The following TDG variants were observed in gnomAD, a reference collection of about 807,000 sequenced individuals.
TDG encodes the protein thymine DNA glycosylase.
TDG carries 23 observed loss-of-function variants against 46.1 expected under a neutral mutation model. The ratio of observed to expected loss-of-function variants is 0.50; its 90% CI spans 0.36 to 0.71. The LOEUF is 0.71. Among genes scored for constraint, TDG ranks in the 30% least tolerant of loss-of-function variants. The pLI is 0.00. For synonymous variants in TDG, 115 were observed against 161.3 expected, an observed-to-expected ratio of 0.71 and a Z score of 2.18; for missense variants, 304 against 486.7, an observed-to-expected ratio of 0.62 and a Z score of 3.53.
chr12:103,974,271 T>TTTGTTGTTG (rs56774626), intron 1 of TDG, among the ~76,000 whole-genome samples: 8 of 150,336 alleles, frequency 5.3e-5, no homozygotes, highest in East Asian at 1.9e-4. Context: ...TTTGCCCTCT[T>TTTGTTGTTG]TTGTTGTTGT....
chr12:103,985,821 A>G, intron 9 of TDG, 93 bp downstream of exon 9: 1 of 1,290,126 alleles, frequency 7.8e-7, no homozygotes, highest in African/African-American at 1.5e-5. Context: ...ATTATTGAAG[A>G]ATGGGAATGA....
chr12:103,981,908 G>A (rs773945066), intron 4 of TDG, among the ~76,000 whole-genome samples: 1 of 152,142 alleles, frequency 6.6e-6, no homozygotes, highest in Non-Finnish European at 1.5e-5. Context: ...CAGCTACTAC[G>A]GAGGCTGGGT....
intron 4 of TDG, among the ~76,000 whole-genome samples, 174 bp from the exon 5 acceptor site, chr12:103,982,625 C>T (rs1038619038): frequency 2.0e-5 from 3 of 151,796 alleles, no homozygotes; most frequent in Non-Finnish European, 2.9e-5. Context: ...ATTAGCTGGG[C>T]GTGGTGGTGT....
intron 2 of TDG, among the ~76,000 whole-genome samples, chr12:103,978,710 G>A (rs1427303251): frequency 2.0e-5 from 3 of 152,184 alleles, no homozygotes; most frequent in Non-Finnish European, 4.4e-5. Context: ...AGGGCTTCCT[G>A]TTGGGTAACT....
At chr12:103,981,211 T>C (rs1871806878) in intron 4 of TDG, among the ~76,000 whole-genome samples, 1 of 150,212 alleles carries the variant, frequency 6.7e-6, no homozygotes, top group Non-Finnish European at 1.5e-5. Flanking sequence ...GAATTGTTTC[T>C]AATGAGTTGT....
intron 7 of TDG, among the ~76,000 whole-genome samples, chr12:103,983,864 C>T (rs1331158810): frequency 1.3e-5 from 2 of 152,228 alleles, no homozygotes; most frequent in South Asian, 2.1e-4. Flanking sequence ...GCATTCAATA[C>T]TGTTGTCTTA....
intron 1 of TDG, among the ~76,000 whole-genome samples, chr12:103,974,974 C>CAAAAAAAAAAAA (rs34864393): frequency 9.1e-5 from 7 of 77,160 alleles, no homozygotes; most frequent in African/African-American, 1.5e-4. Flanking sequence ...GACTCCGTCT[C>CAAAAAAAAAAAA]AAAAAAAAAA....
chr12:103,987,157 A>C lies in TDG; in HGVS notation c.*67A>C. ...TGCAGTTGTCAACAAGTAGAACCTC[A>C]GTTTGCTAACTGAAGTGTTTTATTA... On this transcript the variant is annotated 3_prime_UTR_variant, in exon 10 of 10. Transcript: ENST00000392872. 1.9e-6 allele frequency: 3 copies of C among 1,590,020 alleles called. No homozygotes were observed. The highest frequency in any genetic ancestry group is 1.3e-5 in the African/African-American group (1 of 74,606).
intron 8 of TDG, 144 bp downstream of exon 8, chr12:103,985,064 TG>T: frequency 9.7e-6 from 3 of 308,048 alleles, no homozygotes; most frequent in Non-Finnish European, 1.4e-5. Context: ...TATATACATG[TG>T]TATATATACA....
At chr12:103,980,269 G>C in intron 3 of TDG, 197 bp downstream of exon 3, 1 of 645,710 alleles carries the variant, frequency 1.5e-6, no homozygotes, top group Non-Finnish European at 2.5e-6. Flanking sequence ...GACTGTCTGG[G>C]TTCAAATCCT....
At chr12:103,974,864 A>G (rs1034646034) in intron 1 of TDG, among the ~76,000 whole-genome samples, 13 of 151,064 alleles carry the variant, frequency 8.6e-5, no homozygotes, top group African/African-American at 3.2e-4. Context: ...AGTCCCAGCT[A>G]CTCGGGAGGC....
intron 2 of TDG, 59 bp from the exon 3 acceptor site, chr12:103,979,772 A>G (rs878987098): frequency 6.6e-7 from 1 of 1,522,732 alleles, no homozygotes; most frequent in Non-Finnish European, 8.7e-7. Flanking sequence ...TTTCTGGGAA[A>G]GCTGCTAAAG....
chr12:103,984,890 C>G lies in TDG; in HGVS notation c.934C>G (p.Gln312Glu). ...ACGAAATATGGACGTTCAAGAGGTGCAATATACATTTGACCTACAGCTTGC... is the reference window on the plus strand; with the variant it reads ...ACGAAATATGGACGTTCAAGAGGTGGAATATACATTTGACCTACAGCTTGC... Reference protein sequence around the residue: ...IERNMDVQEVQYTFDLQLAQE... With the variant: ...IERNMDVQEVEYTFDLQLAQE... Residue 312 changes from glutamine (Q) to glutamate (E), a missense_variant, in exon 8 of 10, where the codon CAA becomes GAA. Coordinates refer to ENST00000392872, the MANE Select transcript of TDG (RefSeq NM_003211.6). 1 of 1,612,818 alleles carries G rather than the reference C, an allele frequency of 6.2e-7. No homozygotes were observed. The highest frequency in any genetic ancestry group is 8.5e-7 in the Non-Finnish European group (1 of 1,179,016).
intron 4 of TDG, 117 bp downstream of exon 4, chr12:103,981,079 G>A (rs1465488210): frequency 2.4e-6 from 2 of 840,860 alleles, no homozygotes; most frequent in Non-Finnish European, 3.8e-6. Context: ...ACACATTCGT[G>A]TTTCATGTTC....
Position 103,987,177 on chromosome 12 carries a change from T to C in TDG, c.*87T>C, listed in dbSNP as rs376773159. On this transcript the variant is annotated 3_prime_UTR_variant, in exon 10 of 10. Coordinates refer to ENST00000392872, the MANE Select transcript of TDG (RefSeq NM_003211.6). ...ACCTCAGTTTGCTAACTGAAGTGTT[T>C]TATTAGTATTTTACTCTAGTGGTGT... 48 of 1,555,468 alleles carry C rather than the reference T, an allele frequency of 3.1e-5. No homozygotes were observed. The East Asian group carries it at 1.0e-3, about 33-fold the overall frequency.
chr12:103,979,195 T>C (rs2136238244), intron 2 of TDG, among the ~76,000 whole-genome samples: 1 of 142,154 alleles, frequency 7.0e-6, no homozygotes, highest in South Asian at 2.3e-4. Context: ...CTCCACCTCT[T>C]GGGTTCAAGC....
At chr12:103,966,612 T>C (rs1450140760) in intron 1 of TDG, among the ~76,000 whole-genome samples, 1 of 152,184 alleles carries the variant, frequency 6.6e-6, no homozygotes, top group Non-Finnish European at 1.5e-5. Flanking sequence ...AGTTTTCCAG[T>C]GGCCTTGGGG....
intron 8 of TDG, among the ~76,000 whole-genome samples, 184 bp downstream of exon 8, chr12:103,985,104 T>C (rs1484420252): frequency 6.6e-6 from 1 of 151,812 alleles, no homozygotes; most frequent in Non-Finnish European, 1.5e-5. Flanking sequence ...TATGTCTATA[T>C]ACATATATGT....
At chr12:103,985,504 G>T in intron 8 of TDG, 99 bp from the exon 9 acceptor site, 1 of 1,336,442 alleles carries the variant, frequency 7.5e-7, no homozygotes, top group Non-Finnish European at 1.0e-6. Flanking sequence ...CAGTGTATAT[G>T]AATATTCAAG....
Sources: gnomAD v4.1 joint callset for allele counts (sites outside exome capture counted in the v4.1 genomes callset) on GRCh38, gnomAD v4.1.1 for gene constraint, MANE v1.5 for transcripts, NCBI Gene and HGNC (gene_info 2026-07-23, HGNC 2026-07-21) for gene names.